MARCHF1: variants seen among roughly 807,000 people sequenced by gnomAD.
MARCHF1 encodes E3 ubiquitin-protein ligase MARCHF1.
A neutral mutation model predicts 54.2 loss-of-function variants in MARCHF1; 40 were observed. The ratio of observed to expected loss-of-function variants is 0.74; its 90% CI spans 0.57 to 0.96. The LOEUF (loss-of-function observed/expected upper bound fraction) is 0.96. MARCHF1 is among the 40% of genes least tolerant of loss of function. The pLI is 0.00. For synonymous variants in MARCHF1, 236 were observed against 236.3 expected, an observed-to-expected ratio of 1.00 and a Z score of 0.01; for missense variants, 586 against 656.5, an observed-to-expected ratio of 0.89 and a Z score of 1.17.
intron 3 of MARCHF1, among the ~76,000 whole-genome samples, chr4:163,858,113 G>T: frequency 7.6e-6 from 1 of 131,462 alleles, no homozygotes; most frequent in Non-Finnish European, 1.6e-5. Flanking sequence ...GGGGGGGGGG[G>T]GCATCATCCA....
In MARCHF1 at chr4:163,964,198, C is replaced by T. The variant is rs1752395279; in HGVS notation, c.-39+24303G>A. ...ATAATTTGATATTTAGCAAATTTTA[C>T]TGGTGTATTGTTAGCTGTTAATTTA... On this transcript the variant is annotated intron_variant, in intron 3 of 9. Coordinates refer to ENST00000514618, the MANE Select transcript of MARCHF1 (RefSeq NM_001394959.1). Among the ~76,000 whole-genome samples the T allele has an allele frequency of 3.3e-5, 5 of 151,898 alleles. 1 individual carries two copies. In the South Asian group the frequency reaches 1.0e-3, roughly 32 times the overall value.
intron 1 of MARCHF1, among the ~76,000 whole-genome samples, chr4:164,282,808 T>C (rs1734058581): frequency 6.6e-6 from 1 of 151,282 alleles, no homozygotes; most frequent in Non-Finnish European, 1.5e-5. Context: ...TTTCCTTCCA[T>C]GTGATAATTA....
chr4:163,557,565 A>T (rs567696184), intron 8 of MARCHF1, among the ~76,000 whole-genome samples: 1 of 152,280 alleles, frequency 6.6e-6, no homozygotes, highest in South Asian at 2.1e-4. Flanking sequence ...AATTTTTCAC[A>T]TTCTAGAACA....
At chr4:163,802,158 A>G (rs1310249285) in intron 4 of MARCHF1, among the ~76,000 whole-genome samples, 2 of 152,124 alleles carry the variant, frequency 1.3e-5, no homozygotes, top group East Asian at 3.9e-4. Flanking sequence ...TCCCTCAAAA[A>G]GTTAAGAATG....
chr4:164,376,496 G>A (rs1032801347), intron 1 of MARCHF1, among the ~76,000 whole-genome samples: 82 of 152,132 alleles, frequency 5.4e-4, no homozygotes, highest in African/African-American at 1.7e-3. Context: ...AGGTGATCCC[G>A]GAGAGTAGGA....
chr4:163,797,476 C>T (rs564721563), intron 4 of MARCHF1, among the ~76,000 whole-genome samples: 62 of 152,022 alleles, frequency 4.1e-4, no homozygotes, highest in African/African-American at 1.5e-3. Context: ...GCCAGATTTC[C>T]TTTCTCTCTG....
At chr4:164,193,730 A>G (rs909917848) in intron 1 of MARCHF1, among the ~76,000 whole-genome samples, 4 of 152,174 alleles carry the variant, frequency 2.6e-5, no homozygotes, top group African/African-American at 9.6e-5. Flanking sequence ...TGAGTGGGTA[A>G]ATGAACAAAT....
chr4:163,809,364 C>T (rs1353820800), intron 4 of MARCHF1, among the ~76,000 whole-genome samples: 1 of 152,196 alleles, frequency 6.6e-6, no homozygotes, highest in Non-Finnish European at 1.5e-5. Flanking sequence ...CTAATCCACT[C>T]TGCTGTGACA....
intron 1 of MARCHF1, among the ~76,000 whole-genome samples, chr4:164,141,346 T>C (rs560299895): frequency 6.6e-6 from 1 of 152,338 alleles, no homozygotes; most frequent in African/African-American, 2.4e-5. Context: ...ATTTGCTTCA[T>C]CTAAAAACCA....
chr4:163,577,185 G>A (rs951241152), intron 8 of MARCHF1, among the ~76,000 whole-genome samples: 4 of 151,964 alleles, frequency 2.6e-5, no homozygotes, highest in African/African-American at 9.7e-5. Flanking sequence ...GTAGGACTAC[G>A]TACTTAGGTG....
At chr4:163,700,712 T>C (rs1744785275) in intron 5 of MARCHF1, 101 bp downstream of exon 5, 1 of 855,368 alleles carries the variant, frequency 1.2e-6, no homozygotes, top group Non-Finnish European at 1.9e-6. Flanking sequence ...CACATTTGTG[T>C]TCTGCTCACA....
chr4:164,053,950 T>C (rs1754427334), intron 2 of MARCHF1, among the ~76,000 whole-genome samples: 6 of 152,090 alleles, frequency 3.9e-5, no homozygotes, highest in Admixed American at 3.9e-4. Context: ...AAAGAGCTTC[T>C]GCACAGCAAA....
At chr4:163,872,924 G>C (rs1342500278) in intron 3 of MARCHF1, among the ~76,000 whole-genome samples, 1 of 151,912 alleles carries the variant, frequency 6.6e-6, no homozygotes, top group African/African-American at 2.4e-5. Flanking sequence ...GGCGCCTGTA[G>C]TCCCAGCTAC....
intron 4 of MARCHF1, among the ~76,000 whole-genome samples, chr4:163,741,928 C>T (rs913939364): frequency 6.6e-6 from 1 of 152,136 alleles, no homozygotes; most frequent in Non-Finnish European, 1.5e-5. Context: ...ATAAAACATA[C>T]AATTTGTTAT....
intron 1 of MARCHF1, among the ~76,000 whole-genome samples, chr4:164,306,227 T>C (rs999391372): frequency 1.3e-5 from 2 of 152,258 alleles, no homozygotes; most frequent in East Asian, 3.9e-4. Context: ...CCTTAACATG[T>C]CAGGAAAATT....
chr4:163,627,597 C>G (rs1741916358), intron 5 of MARCHF1, among the ~76,000 whole-genome samples: 1 of 151,838 alleles, frequency 6.6e-6, no homozygotes, highest in African/African-American at 2.4e-5. Flanking sequence ...ATCGTTCAAT[C>G]TTATTTGATA....
chr4:163,587,919 G>A (rs1740463091), intron 7 of MARCHF1, among the ~76,000 whole-genome samples: 1 of 152,062 alleles, frequency 6.6e-6, no homozygotes, highest in South Asian at 2.1e-4. Context: ...AGTGTATAAA[G>A]TATATATAGA....
intron 5 of MARCHF1, among the ~76,000 whole-genome samples, chr4:163,655,578 C>T (rs1326849463): frequency 6.6e-6 from 1 of 151,818 alleles, no homozygotes; most frequent in Non-Finnish European, 1.5e-5. Flanking sequence ...CTACAGGACT[C>T]TCTACCCAAA....
chr4:163,862,808 C>A (rs1221778261), intron 3 of MARCHF1, among the ~76,000 whole-genome samples: 1 of 152,008 alleles, frequency 6.6e-6, no homozygotes, highest in African/African-American at 2.4e-5. Flanking sequence ...AAACTGGAAG[C>A]AACAAACATG....
Sources: allele counts gnomAD v4.1 joint callset (sites outside exome capture counted in the v4.1 genomes callset), GRCh38; gene constraint gnomAD v4.1.1; transcripts MANE v1.5; gene names NCBI Gene and HGNC (gene_info 2026-07-23, HGNC 2026-07-21).